The following AFAP1L1 variants were observed in gnomAD, a reference collection of about 807,000 sequenced individuals.
The protein encoded by AFAP1L1 is actin filament-associated protein 1-like 1.
A neutral mutation model predicts 99.8 loss-of-function variants in AFAP1L1; 77 were observed. The ratio of observed to expected loss-of-function variants is 0.77; its 90% CI spans 0.64 to 0.93. The LOEUF is 0.93. Ranked by LOEUF, AFAP1L1 falls within the 40% of genes least tolerant of loss-of-function variation. The probability of loss-of-function intolerance (pLI) is 0.00; values close to 1 mark genes in which losing one functional copy is unlikely to be tolerated. For synonymous variants in AFAP1L1, 373 were observed against 395.3 expected, an observed-to-expected ratio of 0.94 and a Z score of 0.67; for missense variants, 893 against 996.8, an observed-to-expected ratio of 0.90 and a Z score of 1.40.
In AFAP1L1 at chr5:149,320,991, C is replaced by T. The variant is rs909123852; in HGVS notation, c.1698+528C>T. 3.3e-5 allele frequency among the ~76,000 whole-genome samples: 5 copies of T among 152,240 alleles called. No homozygotes were observed. The East Asian group carries it at 9.6e-4, about 29-fold the overall frequency. Reference sequence around the variant, plus strand: ...GACCTGGAATGCTCCTGGCAGCATGCCCTGTGCTGTCTCCTCCCTCAGAAA... The same window carrying T: ...GACCTGGAATGCTCCTGGCAGCATGTCCTGTGCTGTCTCCTCCCTCAGAAA... On this transcript the variant is annotated intron_variant, in intron 14 of 18. Coordinates refer to ENST00000296721, the MANE Select transcript of AFAP1L1 (RefSeq NM_152406.4). The surrounding 1 kb of genome is among the most constrained non-coding windows in gnomAD (Gnocchi z 4.0).
rs202156949 is a variant in AFAP1L1, at chr5:149,309,956, T to C, written c.748T>C (p.Cys250Arg). 2 of 1,614,138 alleles carry C rather than the reference T, an allele frequency of 1.2e-6. No homozygotes were observed. Among genetic ancestry groups the C allele is most frequent in the Admixed American group, 1.7e-5 (1 of 60,026 alleles). The change falls in exon 8 of 19, where the codon TGT becomes CGT. Residue 250 changes from cysteine (C) to arginine (R), a missense_variant and splice_region_variant. Transcript: ENST00000296721. ...LTVIREDQLL[C>R]YKSSKDRQPH... ...CTGATGTGTTTCTCTCCCTGTCCAGTGTTACAAAAGCTCCAAGGATCGGCA... is the reference window on the plus strand; with the variant it reads ...CTGATGTGTTTCTCTCCCTGTCCAGCGTTACAAAAGCTCCAAGGATCGGCA...
intron 3 of AFAP1L1, 45 bp downstream of exon 3, chr5:149,300,399 T>A: frequency 2.6e-6 from 4 of 1,548,054 alleles, no homozygotes; most frequent in Non-Finnish European, 3.5e-6. Flanking sequence ...CATCCCTCTT[T>A]CCCTGTGTAT....
chr5:149,332,258 G>A (rs1303192159), intron 16 of AFAP1L1, among the ~76,000 whole-genome samples: 2 of 152,204 alleles, frequency 1.3e-5, no homozygotes, highest in African/African-American at 4.8e-5. Flanking sequence ...TTAGCTGGGT[G>A]TGCTGGCGTG....
chr5:149,311,845 A>G (rs943415367), intron 8 of AFAP1L1, among the ~76,000 whole-genome samples: 1 of 152,216 alleles, frequency 6.6e-6, no homozygotes, highest in African/African-American at 2.4e-5. Flanking sequence ...CAGAGCAGGG[A>G]AGTGGCTCTT....
rs778905409 is a variant in AFAP1L1 at position 149,307,426 on chromosome 5, G to A, written c.560G>A (p.Ser187Asn). The A allele has an allele frequency of 5.0e-6, 8 of 1,614,150 alleles. No individual in the cohort carries two copies. The highest frequency in any genetic ancestry group is 5.1e-6 in the Non-Finnish European group (6 of 1,180,028). ...GATAATGACTCTGACGCAATGAGCA[G>A]CTCCTATGAGTCCTACGATGAAGAG... ...SSYNDSDAMS[S>N]SYESYDEEEE... is the part of the protein sequence containing the mutation. The change falls in exon 7 of 19, where the codon AGC becomes AAC. Residue 187 changes from serine (S) to asparagine (N), a missense_variant. By Grantham distance (46) the Ser-to-Asn change is conservative. Transcript: ENST00000296721.
chr5:149,312,143 G>A lies in AFAP1L1; in HGVS notation c.959G>A (p.Gly320Glu). 5 of 1,614,046 alleles carry A rather than the reference G, an allele frequency of 3.1e-6. No homozygotes were observed. The highest frequency in any genetic ancestry group is 4.2e-6 in the Non-Finnish European group (5 of 1,180,008). Residue 320 changes from glycine to glutamate, a missense_variant, in exon 9 of 19, where the codon GGA becomes GAA. Transcript: ENST00000296721. ...VIREVSKPVGGAEGVEVPRSP... is the reference protein window; with the variant it reads ...VIREVSKPVGEAEGVEVPRSP... Reference sequence around the variant, plus strand: ...CGAGAAGTGAGCAAGCCAGTTGGGGGAGCTGAGGGAGTGGAGGTCCCCAGA... The same window carrying A: ...CGAGAAGTGAGCAAGCCAGTTGGGGAAGCTGAGGGAGTGGAGGTCCCCAGA...
chr5:149,331,272 A>T (rs921871351), intron 16 of AFAP1L1, among the ~76,000 whole-genome samples: 2 of 151,898 alleles, frequency 1.3e-5, no homozygotes, highest in Non-Finnish European at 2.9e-5. Context: ...CTTCATCTCT[A>T]TTTTTCTAAA....
intron 9 of AFAP1L1, among the ~76,000 whole-genome samples, chr5:149,313,332 C>A (rs762884532): frequency 1.1e-3 from 168 of 152,290 alleles, no homozygotes; most frequent in Non-Finnish European, 1.8e-3. Flanking sequence ...ATGGGCCTTG[C>A]ACGATGTAAT....
Position 149,311,623 on chromosome 5 carries a change from G to A in AFAP1L1, c.928-489G>A, listed in dbSNP as rs966624138. Among the ~76,000 whole-genome samples the A allele has an allele frequency of 4.2e-4, 64 of 152,238 alleles. 1 individual carries two copies. Among genetic ancestry groups the A allele is most frequent in the Non-Finnish European group, 2.9e-5 (2 of 68,048 alleles). The stretch of plus-strand genomic sequence containing the variant: ...ATTGCTGTGTGGCCTTGGCAAGTGA[G>A]CGGATGCCTTTAGGAGATGGAGGTG... On this transcript the variant is annotated intron_variant, in intron 8 of 18. Transcript: ENST00000296721.
Position 149,302,495 on chromosome 5 carries a change from C to T in AFAP1L1, c.405C>T (p.Pro135=), listed in dbSNP as rs201550034. Residue 135 remains proline (P), a synonymous_variant, in exon 5 of 19, where the codon CCC becomes CCT. Coordinates refer to ENST00000296721, the MANE Select transcript of AFAP1L1 (RefSeq NM_152406.4). ...ATGAAGAGGCCCTTCCTCTGGGACC[C>T]GGCAAGTCGCCTGAGTACATCAGCT... is the stretch of plus-strand genomic sequence containing the variant. The part of the protein sequence containing the change: ...DYYEEALPLG[P]GKSPEYISSH... The T allele has an allele frequency of 5.7e-5, 91 of 1,590,286 alleles. No individual in the cohort carries two copies. The highest frequency in any genetic ancestry group is 3.3e-4 in the Middle Eastern group (2 of 6,032).
chr5:149,322,813 T>C, intron 15 of AFAP1L1, 96 bp downstream of exon 15: 1 of 976,942 alleles, frequency 1.0e-6, no homozygotes, highest in South Asian at 1.6e-5. Flanking sequence ...GGTGGGTAAA[T>C]AAATGAGCAA....
intron 6 of AFAP1L1, 58 bp from the exon 7 acceptor site, chr5:149,307,344 T>G: frequency 6.4e-7 from 1 of 1,574,734 alleles, no homozygotes; most frequent in Non-Finnish European, 8.7e-7. Flanking sequence ...TGCAGAGGGG[T>G]GAGAAGGTGC....
At chr5:149,326,412 A>T (rs1048129686) in intron 15 of AFAP1L1, among the ~76,000 whole-genome samples, 1 of 151,794 alleles carries the variant, frequency 6.6e-6, no homozygotes, top group Non-Finnish European at 1.5e-5. Flanking sequence ...GGTGGCGGGC[A>T]CCTGTAATCC....
intron 17 of AFAP1L1, among the ~76,000 whole-genome samples, chr5:149,335,071 C>T (rs1295697150): frequency 6.6e-6 from 1 of 152,224 alleles, no homozygotes; most frequent in Non-Finnish European, 1.5e-5. Flanking sequence ...CTAATTCACA[C>T]AATGCTTTGT....
At chr5:149,290,440 G>T (rs761137591) in intron 1 of AFAP1L1, among the ~76,000 whole-genome samples, 9 of 152,226 alleles carry the variant, frequency 5.9e-5, no homozygotes, top group Non-Finnish European at 1.3e-4. Flanking sequence ...TGTACATGAG[G>T]CACAGGTAGT....
At chr5:149,325,068 C>T (rs1343564386) in intron 15 of AFAP1L1, among the ~76,000 whole-genome samples, 5 of 152,010 alleles carry the variant, frequency 3.3e-5, no homozygotes, top group African/African-American at 7.2e-5. Context: ...AAAATGGTGG[C>T]GTGAGAAGCT....
intron 18 of AFAP1L1, 90 bp from the exon 19 acceptor site, chr5:149,339,917 C>T: frequency 2.1e-6 from 3 of 1,461,638 alleles, no homozygotes; most frequent in Non-Finnish European, 2.8e-6. Context: ...TAGTGGAGAT[C>T]TTCATCTAAC....
chr5:149,323,788 T>A (rs995011080), intron 15 of AFAP1L1, among the ~76,000 whole-genome samples: 1 of 152,164 alleles, frequency 6.6e-6, no homozygotes, highest in Admixed American at 6.5e-5. Flanking sequence ...GTTGTGTAAC[T>A]TTGCACTCTA....
chr5:149,332,908 C>T (rs1313645778), intron 17 of AFAP1L1, 35 bp downstream of exon 17: 2 of 1,517,242 alleles, frequency 1.3e-6, no homozygotes, highest in South Asian at 2.6e-5. Flanking sequence ...GGGGCAGCTA[C>T]TCCTATGTCC....
Sources: allele counts gnomAD v4.1 joint callset (sites outside exome capture counted in the v4.1 genomes callset), GRCh38; gene constraint gnomAD v4.1.1; non-coding constraint Gnocchi (gnomAD v3.1); transcripts MANE v1.5; gene names NCBI Gene and HGNC (gene_info 2026-07-23, HGNC 2026-07-21).